Variants in SMPDL3B observed in about 807,000 individuals in gnomAD.
SMPDL3B encodes the protein sphingomyelin phosphodiesterase acid like 3B.
A neutral mutation model predicts 37.9 loss-of-function variants in SMPDL3B; 31 were observed. The ratio of observed to expected loss-of-function variants is 0.82; its 90% CI spans 0.61 to 1.10. The LOEUF is 1.10. SMPDL3B is among the 50% of genes least tolerant of loss of function. SMPDL3B has a pLI of 0.00. For missense variants in SMPDL3B, 525 were observed against 597.8 expected (o/e 0.88, Z 1.27); for synonymous variants, 235 against 242.6 (o/e 0.97, Z 0.29).
intron 2 of SMPDL3B, among the ~76,000 whole-genome samples, chr1:27,947,122 C>T (rs1444724979): frequency 6.6e-6 from 1 of 151,566 alleles, no homozygotes; most frequent in South Asian, 2.1e-4. Flanking sequence ...CCACAATCTC[C>T]GCCTCCTGGG....
At chr1:27,951,381 G>A (rs1385618255) in intron 3 of SMPDL3B, among the ~76,000 whole-genome samples, 3 of 152,128 alleles carry the variant, frequency 2.0e-5, no homozygotes, top group Admixed American at 6.5e-5. Flanking sequence ...CAGAGAGGTC[G>A]AGTAAGTGGC....
At chr1:27,956,200 GCTC>G in intron 7 of SMPDL3B, 118 bp downstream of exon 7, 3 of 1,602,616 alleles carry the variant, frequency 1.9e-6, no homozygotes, top group Non-Finnish European at 2.6e-6. Flanking sequence ...GGAAGGTTGA[GCTC>G]CTTCCACCCT....
At chr1:27,937,622 A>G (rs1330632957) in intron 1 of SMPDL3B, among the ~76,000 whole-genome samples, 1 of 152,218 alleles carries the variant, frequency 6.6e-6, no homozygotes, top group African/African-American at 2.4e-5. Flanking sequence ...ACTGAATCAC[A>G]GGAGTCAGAC....
chr1:27,940,445 A>ATGTTCTGTT (rs56043553), intron 1 of SMPDL3B, among the ~76,000 whole-genome samples: 3 of 152,040 alleles, frequency 2.0e-5, no homozygotes, highest in African/African-American at 7.3e-5. Flanking sequence ...CCCATTTATG[A>ATGTTCTGTT]AATCATCTCA....
chr1:27,951,492 G>A (rs889289975), intron 3 of SMPDL3B, among the ~76,000 whole-genome samples: 1 of 152,180 alleles, frequency 6.6e-6, no homozygotes, highest in Non-Finnish European at 1.5e-5. Flanking sequence ...TGTGAACACT[G>A]GTCCTCACCT....
At chr1:27,951,684 A>C (rs981165873) in intron 3 of SMPDL3B, among the ~76,000 whole-genome samples, 1 of 152,190 alleles carries the variant, frequency 6.6e-6, no homozygotes, top group African/African-American at 2.4e-5. Flanking sequence ...CTGCTTCTAC[A>C]AAAAATAAAA....
Position 27,945,547 on chromosome 1 carries a change from C to T in SMPDL3B, c.275+102C>T. 1.0e-6 allele frequency: 1 copy of T among 957,122 alleles called. No individual in the cohort carries two copies. Among genetic ancestry groups the T allele is most frequent in the Non-Finnish European group, 1.6e-6 (1 of 610,334 alleles). The allele number at this position is 957,122 out of a possible 1,614,324, so 59.3% of individuals were successfully genotyped here. On this transcript the variant is annotated intron_variant, in intron 2 of 7. Transcript: ENST00000373894. This position sits in a 1 kb window ranked among gnomAD's most constrained non-coding sequence, Gnocchi z 4.0. ...ACATTATCTCCCTTAATCCTCACAT[C>T]AGTCTCACGTGAGGCTGAGGAACCT...
rs139914106 is a variant in SMPDL3B, at chr1:27,955,727, C to T, written c.734C>T (p.Thr245Met). Residue 245 changes from threonine (T) to methionine (M), a missense_variant, in exon 6 of 8, where the codon ACG (threonine) becomes ATG (methionine). Physicochemically the swap from Thr to Met is moderately conservative, Grantham distance 81. Transcript: ENST00000373894. ...GHVPPGFFEK[T>M]QNKAWFREGF... ...GTGCCCCCGGGGTTCTTTGAGAAGA[C>T]GCAAAACAAGGCATGGTTCCGGGAG... 191 of 1,614,044 alleles carry T rather than the reference C, an allele frequency of 1.2e-4. No homozygotes were observed. In the African/African-American group the frequency reaches 1.3e-3, roughly 11 times the overall value.
chr1:27,956,236 C>A, intron 7 of SMPDL3B, 154 bp downstream of exon 7: 1 of 1,561,390 alleles, frequency 6.4e-7, no homozygotes, highest in South Asian at 1.2e-5. Context: ...GATCAGAACC[C>A]TGGAGGCACC....
intron 1 of SMPDL3B, among the ~76,000 whole-genome samples, chr1:27,941,270 G>A (rs1472324708): frequency 1.3e-5 from 2 of 152,190 alleles, no homozygotes; most frequent in Non-Finnish European, 2.9e-5. Flanking sequence ...AGAGAGGTCT[G>A]GGTTTGAGCC....
intron 3 of SMPDL3B, among the ~76,000 whole-genome samples, chr1:27,952,648 A>T (rs2090463654): frequency 6.6e-6 from 1 of 152,158 alleles, no homozygotes; most frequent in African/African-American, 2.4e-5. Context: ...TCCCATAGCA[A>T]GTGGCCATTC....
At chr1:27,947,870 C>T (rs1333458677) in intron 2 of SMPDL3B, among the ~76,000 whole-genome samples, 2 of 151,830 alleles carry the variant, frequency 1.3e-5, no homozygotes, top group African/African-American at 4.8e-5. Flanking sequence ...CGTGAGTCAC[C>T]GCCCCCGGCC....
rs781240866 is a variant in SMPDL3B at position 27,949,243 on chromosome 1, G to A, written c.373+81G>A. 527 of 1,420,406 alleles carry A rather than the reference G, an allele frequency of 3.7e-4. 2 individuals carry two copies. The highest frequency in any genetic ancestry group is 4.9e-4 in the Non-Finnish European group (497 of 1,011,570). 88.0% of individuals were successfully genotyped at this position (1,420,406 alleles called of 1,614,324 possible). Reference sequence around the variant, plus strand: ...GGCACAGTGGGACAACAGCAGCAGCGAGTGTCCTGGCTGACCTTCATCCAT... The same window carrying A: ...GGCACAGTGGGACAACAGCAGCAGCAAGTGTCCTGGCTGACCTTCATCCAT... On this transcript the variant is annotated intron_variant, in intron 3 of 7. Transcript: ENST00000373894.
Position 27,955,719 on chromosome 1 carries a change from TGAG to T in SMPDL3B, c.727_729del (p.Glu243del). ...TCGGCCACGTGCCCCCGGGGTTCTTTGAGAAGACGCAAAACAAGGCATGGTTCC... is the reference window on the plus strand; with the variant it reads ...TCGGCCACGTGCCCCCGGGGTTCTTTAAGACGCAAAACAAGGCATGGTTCC... On this transcript the variant is annotated inframe_deletion, in exon 6 of 8. Coordinates refer to ENST00000373894, the MANE Select transcript of SMPDL3B (RefSeq NM_014474.4). 1.2e-6 allele frequency: 2 copies of T among 1,614,084 alleles called. No individual in the cohort carries two copies. The highest frequency in any genetic ancestry group is 2.7e-5 in the African/African-American group (2 of 74,988).
chr1:27,955,951 G>A lies in SMPDL3B; in HGVS notation c.874G>A (p.Val292Ile), dbSNP rs201957814. Residue 292 changes from valine to isoleucine, a missense_variant and splice_region_variant, in exon 7 of 8, where the codon GTC becomes ATC. Physicochemically the swap from Val to Ile is conservative, Grantham distance 29 (BLOSUM62 3). Transcript: ENST00000373894. ...SFRMLYDDAG[V>I]PISAMFITPG... ...TCCTGCTGTCTCTCTCCTGACAGGT[G>A]TCCCCATAAGCGCCATGTTCATCAC... The A allele has an allele frequency of 1.2e-6, 2 of 1,613,984 alleles. No homozygotes were observed. The highest frequency in any genetic ancestry group is 1.7e-6 in the Non-Finnish European group (2 of 1,179,982).
intron 2 of SMPDL3B, among the ~76,000 whole-genome samples, chr1:27,946,139 G>T (rs1365281748): frequency 1.3e-5 from 2 of 152,102 alleles, no homozygotes; most frequent in African/African-American, 4.8e-5. Context: ...GATCACCTGA[G>T]GTCAGGAGTT....
intron 7 of SMPDL3B, among the ~76,000 whole-genome samples, chr1:27,957,760 G>T (rs937824167): frequency 1.3e-4 from 20 of 152,276 alleles, no homozygotes; most frequent in Middle Eastern, 3.4e-3. Context: ...CCTCAGGGAG[G>T]GAGTCAGCCC....
In SMPDL3B at chr1:27,939,363, T is replaced by A. The variant is rs560699314; in HGVS notation, c.61+4119T>A. On this transcript the variant is annotated intron_variant, in intron 1 of 7. Transcript: ENST00000373894. ...TTTAATTTTTTTATCTTATTTTTCT[T>A]TTTTGGAGACAGGGTCTCTATCTGT... 9.3e-4 allele frequency among the ~76,000 whole-genome samples: 141 copies of A among 152,310 alleles called. 1 individual carries two copies. The highest frequency in any genetic ancestry group is 3.4e-3 in the Middle Eastern group (1 of 294).
At chr1:27,947,186 G>A (rs566789564) in intron 2 of SMPDL3B, among the ~76,000 whole-genome samples, 30 of 152,120 alleles carry the variant, frequency 2.0e-4, no homozygotes, top group Middle Eastern at 3.4e-3. Flanking sequence ...ACAGGCATGC[G>A]CCACCACGCC....
Sources: gnomAD v4.1 joint callset for allele counts (sites outside exome capture counted in the v4.1 genomes callset) on GRCh38, gnomAD v4.1.1 for gene constraint, Gnocchi (gnomAD v3.1) non-coding constraint, MANE v1.5 for transcripts, NCBI Gene and HGNC (gene_info 2026-07-23, HGNC 2026-07-21) for gene names.